The following ZMIZ1 variants were observed in gnomAD, a reference collection of about 807,000 sequenced individuals.
ZMIZ1 encodes the protein zinc finger MIZ domain-containing protein 1.
Under a neutral mutation model 113.9 loss-of-function variants are expected in ZMIZ1, and 17 were observed. That is an observed-to-expected ratio of 0.15 (90% confidence interval 0.10 to 0.22). The LOEUF (loss-of-function observed/expected upper bound fraction) is 0.22. Among genes scored for constraint, ZMIZ1 ranks in the 10% least tolerant of loss-of-function variants. ZMIZ1 has a pLI of 1.00. For synonymous variants in ZMIZ1, 607 were observed against 603.1 expected, an observed-to-expected ratio of 1.01 and a Z score of -0.09; for missense variants, 1,059 against 1,477.8, an observed-to-expected ratio of 0.72 and a Z score of 4.65.
chr10:79,230,511 G>A (rs16937034), intron 7 of ZMIZ1, among the ~76,000 whole-genome samples: 3,398 of 152,280 alleles, frequency 0.022, 81 homozygotes, highest in African/African-American at 0.046. Flanking sequence ...TCAGATGTGC[G>A]CCCCAGATGT....
chr10:79,097,898 C>T (rs188238135), intron 1 of ZMIZ1, among the ~76,000 whole-genome samples: 7 of 152,182 alleles, frequency 4.6e-5, no homozygotes, highest in African/African-American at 7.2e-5. Context: ...TGGTGCCCTT[C>T]TGTGCAGCTT....
intron 2 of ZMIZ1, among the ~76,000 whole-genome samples, chr10:79,121,892 A>T (rs551476819): frequency 6.6e-6 from 1 of 152,312 alleles, no homozygotes; most frequent in Non-Finnish European, 1.5e-5. Context: ...GAGTTTATTC[A>T]TGGCCCTTCG....
intron 5 of ZMIZ1, among the ~76,000 whole-genome samples, chr10:79,205,369 G>A (rs1342001690): frequency 6.6e-6 from 1 of 152,218 alleles, no homozygotes; most frequent in Non-Finnish European, 1.5e-5. Context: ...GGCCTACACA[G>A]CAGGCTCACC....
chr10:79,136,141 C>T (rs1183549791), intron 2 of ZMIZ1, among the ~76,000 whole-genome samples: 1 of 152,234 alleles, frequency 6.6e-6, no homozygotes, highest in Admixed American at 6.5e-5. Flanking sequence ...TCTCAGAACT[C>T]ATGTAGGTCA....
intron 7 of ZMIZ1, among the ~76,000 whole-genome samples, chr10:79,240,157 G>A (rs921224526): frequency 6.0e-5 from 8 of 132,482 alleles, no homozygotes; most frequent in African/African-American, 2.0e-4. Flanking sequence ...TCAAGGAGCC[G>A]CAGCGCGGGG....
At chr10:79,225,108 C>T (rs1308420568) in intron 7 of ZMIZ1, among the ~76,000 whole-genome samples, 2 of 152,140 alleles carry the variant, frequency 1.3e-5, no homozygotes, top group East Asian at 1.9e-4. Context: ...TAGCAGAAAA[C>T]GCCCAGGCAG....
intron 7 of ZMIZ1, among the ~76,000 whole-genome samples, chr10:79,235,252 G>T (rs1849542242): frequency 6.6e-6 from 1 of 152,242 alleles, no homozygotes; most frequent in African/African-American, 2.4e-5. Flanking sequence ...GGGGCTGGAA[G>T]GGAGCAGGCA....
chr10:79,315,667 C>T lies in ZMIZ1; in HGVS notation c.*2918C>T, dbSNP rs1855487433. 1 of 152,812 alleles carries T rather than the reference C, an allele frequency of 6.5e-6. No individual in the cohort carries two copies. Among genetic ancestry groups the T allele is most frequent in the African/African-American group, 2.4e-5 (1 of 41,462 alleles). 9.5% of individuals were successfully genotyped at this position (152,812 alleles called of 1,614,324 possible). ...GCTAATACTTTCTCCCTAATGGAAGCCCTGATCCCCCAGAGAGCTACAGGT... is the reference window on the plus strand; with the variant it reads ...GCTAATACTTTCTCCCTAATGGAAGTCCTGATCCCCCAGAGAGCTACAGGT... On this transcript the variant is annotated 3_prime_UTR_variant, in exon 25 of 25. Coordinates refer to ENST00000334512, the MANE Select transcript of ZMIZ1 (RefSeq NM_020338.4).
intron 4 of ZMIZ1, among the ~76,000 whole-genome samples, chr10:79,192,429 A>G (rs16937021): frequency 0.019 from 2,946 of 152,344 alleles, 88 homozygotes; most frequent in African/African-American, 0.067. Context: ...AGCATTGACA[A>G]TGGGTGTTCC....
intron 20 of ZMIZ1, 65 bp from the exon 21 acceptor site, chr10:79,305,467 GA>G (rs1564604094): frequency 5.8e-6 from 9 of 1,560,970 alleles, no homozygotes; most frequent in Non-Finnish European, 8.0e-6. Context: ...CACTGAGGTG[GA>G]TGGGCTTTGC....
chr10:79,137,515 G>A (rs1845056789), intron 2 of ZMIZ1, among the ~76,000 whole-genome samples: 1 of 152,176 alleles, frequency 6.6e-6, no homozygotes, highest in Admixed American at 6.5e-5. Context: ...TATGTGCCCT[G>A]GTGGACAGGC....
chr10:79,073,574 T>A (rs1842368657), intron 1 of ZMIZ1, among the ~76,000 whole-genome samples: 1 of 152,162 alleles, frequency 6.6e-6, no homozygotes, highest in Non-Finnish European at 1.5e-5. Context: ...TGGGGGGCCC[T>A]CCAGACCATA....
intron 18 of ZMIZ1, among the ~76,000 whole-genome samples, chr10:79,302,548 G>C (rs955336182): frequency 2.3e-5 from 3 of 132,030 alleles, no homozygotes; most frequent in Admixed American, 7.4e-5. Flanking sequence ...TCAGGAAGCA[G>C]GCTTCCTGGA....
At chr10:79,298,323 A>T in intron 14 of ZMIZ1, 83 bp from the exon 15 acceptor site, 2 of 1,448,142 alleles carry the variant, frequency 1.4e-6, no homozygotes, top group Non-Finnish European at 9.3e-7. Context: ...GGCCCCTGGG[A>T]TGAGTGCGGT....
chr10:79,206,540 G>T (rs969280721), intron 5 of ZMIZ1, among the ~76,000 whole-genome samples: 1 of 152,206 alleles, frequency 6.6e-6, no homozygotes, highest in African/African-American at 2.4e-5. Flanking sequence ...CAGAGGTGAG[G>T]ACCCGCCGCT....
chr10:79,284,271 G>A (rs188879980), intron 8 of ZMIZ1, among the ~76,000 whole-genome samples: 5 of 152,270 alleles, frequency 3.3e-5, no homozygotes, highest in African/African-American at 9.6e-5. Flanking sequence ...TATAAAATAC[G>A]TGAAAAAAGT....
chr10:79,270,061 G>T (rs984827682), intron 7 of ZMIZ1, among the ~76,000 whole-genome samples: 15 of 152,050 alleles, frequency 9.9e-5, no homozygotes, highest in African/African-American at 3.1e-4. Context: ...CGTCTGTGCT[G>T]CTAGGAGCTA....
At chr10:79,190,581 A>G (rs1238000616) in intron 4 of ZMIZ1, among the ~76,000 whole-genome samples, 3 of 152,272 alleles carry the variant, frequency 2.0e-5, no homozygotes, top group South Asian at 2.1e-4. Context: ...ATTAAAAAAT[A>G]TATATATACT....
At chr10:79,225,241 C>T (rs977556643) in intron 7 of ZMIZ1, among the ~76,000 whole-genome samples, 5 of 152,188 alleles carry the variant, frequency 3.3e-5, no homozygotes, top group African/African-American at 1.2e-4. Flanking sequence ...TATTTCAGTA[C>T]CGCTTGTATT....
Sources: gnomAD v4.1 joint callset for allele counts (sites outside exome capture counted in the v4.1 genomes callset) on GRCh38, gnomAD v4.1.1 for gene constraint, MANE v1.5 for transcripts, NCBI Gene and HGNC (gene_info 2026-07-23, HGNC 2026-07-21) for gene names.